The following CSRNP3 variants were observed in gnomAD, a reference collection of about 807,000 sequenced individuals.
CSRNP3 encodes the protein cysteine/serine-rich nuclear protein 3.
In CSRNP3, 12 loss-of-function variants were observed where a neutral mutation model predicts 48.0. That is an observed-to-expected ratio of 0.25 (90% CI 0.16 to 0.41). The LOEUF is 0.41. Among genes scored for constraint, CSRNP3 ranks in the 10% least tolerant of loss-of-function variants. The pLI is 1.00. For synonymous variants in CSRNP3, 263 were observed against 269.7 expected (o/e 0.98, Z 0.24); for missense variants, 580 against 724.4 (o/e 0.80, Z 2.29).
intron 5 of CSRNP3, among the ~76,000 whole-genome samples, chr2:165,668,401 C>A (rs200877503): frequency 1.8e-5 from 2 of 111,502 alleles, no homozygotes; most frequent in African/African-American, 7.0e-5. Context: ...TTCTTTCTTT[C>A]TTTTTTTTTT....
rs1040527868 is a variant in CSRNP3 at position 165,681,706 on chromosome 2, T to C, written c.*1953T>C. 1.6e-4 allele frequency: 22 copies of C among 138,504 alleles called. No homozygotes were observed. The highest frequency in any genetic ancestry group is 5.9e-4 in the African/African-American group (22 of 37,010). The allele number at this position is 138,504 out of a possible 1,614,324, so 8.6% of individuals were successfully genotyped here. On this transcript the variant is annotated 3_prime_UTR_variant, in exon 7 of 7. Coordinates refer to ENST00000651982, the MANE Select transcript of CSRNP3 (RefSeq NM_001172173.2). ...CCTTTGGGCTAATCAGAATGAGGAT[T>C]TGTTGAAATCTCAAATATACATATA...
At chr2:165,635,802 T>C (rs933044805) in intron 4 of CSRNP3, among the ~76,000 whole-genome samples, 1 of 152,134 alleles carries the variant, frequency 6.6e-6, no homozygotes, top group Non-Finnish European at 1.5e-5. Flanking sequence ...TTCTATAGGA[T>C]TAAACATCTA....
intron 1 of CSRNP3, among the ~76,000 whole-genome samples, chr2:165,489,066 A>G (rs1439044935): frequency 6.8e-6 from 1 of 147,698 alleles, no homozygotes; most frequent in Non-Finnish European, 1.5e-5. Flanking sequence ...TAATAAAGAG[A>G]AAAAGAGAGA....
chr2:165,473,548 T>C (rs967920379), intron 1 of CSRNP3, among the ~76,000 whole-genome samples: 1 of 152,178 alleles, frequency 6.6e-6, no homozygotes, highest in African/African-American at 2.4e-5. Context: ...AAAGGTATTA[T>C]TAATCAGATG....
chr2:165,624,528 C>T (rs752219020), intron 4 of CSRNP3, among the ~76,000 whole-genome samples: 1 of 152,152 alleles, frequency 6.6e-6, no homozygotes. Context: ...ACCCTGGTAC[C>T]TACACAGTCC....
At chr2:165,535,110 CT>C (rs1684864699) in intron 3 of CSRNP3, among the ~76,000 whole-genome samples, 1 of 151,628 alleles carries the variant, frequency 6.6e-6, no homozygotes, top group African/African-American at 2.4e-5. Flanking sequence ...TGTTTACCAG[CT>C]TTTTGATGTT....
intron 3 of CSRNP3, among the ~76,000 whole-genome samples, chr2:165,524,869 G>T (rs935809696): frequency 6.6e-6 from 1 of 152,072 alleles, no homozygotes; most frequent in African/African-American, 2.4e-5. Context: ...TTAGTTTTTG[G>T]TGGTTTGAAT....
At chr2:165,510,080 T>G (rs1684481728) in intron 2 of CSRNP3, among the ~76,000 whole-genome samples, 1 of 152,178 alleles carries the variant, frequency 6.6e-6, no homozygotes, top group African/African-American at 2.4e-5. Flanking sequence ...ATATATAATA[T>G]CAGCATAATG....
chr2:165,561,625 G>A (rs1162048561), intron 3 of CSRNP3, among the ~76,000 whole-genome samples: 1 of 152,076 alleles, frequency 6.6e-6, no homozygotes, highest in African/African-American at 2.4e-5. Flanking sequence ...TAATGCCAAT[G>A]TTTACAAAAT....
At chr2:165,520,490 A>T (rs1384029394) in intron 3 of CSRNP3, among the ~76,000 whole-genome samples, 3 of 151,836 alleles carry the variant, frequency 2.0e-5, no homozygotes, top group Non-Finnish European at 2.9e-5. Flanking sequence ...AGTCAATGTG[A>T]ATTAAATATC....
chr2:165,557,605 T>TC (rs750732422), intron 3 of CSRNP3, among the ~76,000 whole-genome samples: 4 of 151,938 alleles, frequency 2.6e-5, no homozygotes, highest in East Asian at 1.9e-4. Flanking sequence ...AGGAGGGAGC[T>TC]CCCCCCACAA....
At position 165,678,836 on chromosome 2, in the gene CSRNP3, C is replaced by A. The variant is rs186955356; in HGVS notation, c.841C>A (p.Arg281=). The change falls in exon 7 of 7, where the codon CGA becomes AGA. Residue 281 remains arginine (R), a synonymous_variant. Coordinates refer to ENST00000651982, the MANE Select transcript of CSRNP3 (RefSeq NM_001172173.2). ...AATGAAACTTGAACTGGAGAAAAAC[C>A]GAGAGCAGCAAATCCCCACGCTGAA... ...TIMKLELEKN[R]EQQIPTLNGC... The A allele has an allele frequency of 6.2e-7, 1 of 1,613,976 alleles. No individual in the cohort carries two copies. Among genetic ancestry groups the A allele is most frequent in the East Asian group, 2.2e-5 (1 of 44,830 alleles).
chr2:165,679,921 T>A lies in CSRNP3; in HGVS notation c.*168T>A. On this transcript the variant is annotated 3_prime_UTR_variant, in exon 7 of 7. Transcript: ENST00000651982. The stretch of plus-strand genomic sequence containing the variant: ...CTTTCTAGCCACATGACTGTGGCAT[T>A]GCACAAATACAGTCTCTGTAGGGAT... The A allele has an allele frequency of 3.4e-6, 3 of 890,192 alleles. No individual in the cohort carries two copies. The highest frequency in any genetic ancestry group is 5.1e-6 in the Non-Finnish European group (3 of 585,478). 55.1% of individuals were successfully genotyped at this position (890,192 alleles called of 1,614,324 possible). A position where few individuals can be genotyped will look rare whatever the true frequency, so the allele number is the denominator to read the frequency against.
intron 5 of CSRNP3, among the ~76,000 whole-genome samples, chr2:165,675,858 G>A (rs905123827): frequency 2.6e-5 from 4 of 152,218 alleles, no homozygotes. Context: ...AAAAGACAGA[G>A]TTGTTATTTC....
At chr2:165,550,755 C>G (rs540610386) in intron 3 of CSRNP3, among the ~76,000 whole-genome samples, 2 of 152,280 alleles carry the variant, frequency 1.3e-5, no homozygotes, top group African/African-American at 4.8e-5. Flanking sequence ...CCTTGCTGTC[C>G]TACTTTCTCC....
intron 5 of CSRNP3, among the ~76,000 whole-genome samples, chr2:165,667,616 T>C (rs1342749260): frequency 1.3e-5 from 2 of 152,148 alleles, no homozygotes; most frequent in African/African-American, 4.8e-5. Flanking sequence ...TCTTTCGCTG[T>C]CTCCTCACCT....
chr2:165,486,069 C>A (rs1041270312), intron 1 of CSRNP3, among the ~76,000 whole-genome samples: 1 of 152,020 alleles, frequency 6.6e-6, no homozygotes, highest in Non-Finnish European at 1.5e-5. Context: ...AGACAGTGGG[C>A]GCAGGCCAGT....
chr2:165,538,039 A>T (rs1210286741), intron 3 of CSRNP3, among the ~76,000 whole-genome samples: 2 of 151,920 alleles, frequency 1.3e-5, no homozygotes, highest in Non-Finnish European at 2.9e-5. Flanking sequence ...TAAAGAAAGA[A>T]AACAGAGTTG....
intron 5 of CSRNP3, among the ~76,000 whole-genome samples, chr2:165,672,753 C>T (rs1256253001): frequency 6.6e-6 from 1 of 152,156 alleles, no homozygotes; most frequent in East Asian, 1.9e-4. Context: ...ACTTTTTCCC[C>T]TAAAATGCAT....
Sources: allele counts gnomAD v4.1 joint callset (sites outside exome capture counted in the v4.1 genomes callset), GRCh38; gene constraint gnomAD v4.1.1; transcripts MANE v1.5; gene names NCBI Gene and HGNC (gene_info 2026-07-23, HGNC 2026-07-21).